Variants in GRIK4 observed in about 807,000 individuals in gnomAD.
GRIK4 encodes glutamate receptor ionotropic, kainate 4.
Under a neutral mutation model 104.9 loss-of-function variants are expected in GRIK4, and 40 were observed. The observed-to-expected ratio is 0.38, with a 90% CI of 0.30 to 0.50. The LOEUF (loss-of-function observed/expected upper bound fraction) is 0.50. Among genes scored for constraint, GRIK4 ranks in the 20% least tolerant of loss-of-function variants. The probability of loss-of-function intolerance (pLI) is 0.93; values close to 1 mark genes in which losing one functional copy is unlikely to be tolerated. For missense variants in GRIK4, 1,047 were observed against 1,308.1 expected, an observed-to-expected ratio of 0.80 and a Z score of 3.08; for synonymous variants, 485 against 524.9, an observed-to-expected ratio of 0.92 and a Z score of 1.04.
chr11:120,788,301 A>G (rs907691368), intron 3 of GRIK4, among the ~76,000 whole-genome samples: 1 of 152,228 alleles, frequency 6.6e-6, no homozygotes, highest in Non-Finnish European at 1.5e-5. Flanking sequence ...GGAGGTAAAT[A>G]GTAGTGGTCC....
At chr11:120,543,839 G>A (rs543292944) in intron 1 of GRIK4, among the ~76,000 whole-genome samples, 12 of 152,320 alleles carry the variant, frequency 7.9e-5, no homozygotes, top group African/African-American at 2.4e-4. Flanking sequence ...TTGCAAAAAC[G>A]TGGATGAACC....
intron 9 of GRIK4, chr11:120,873,651 G>GC (rs1954674344): frequency 5.9e-6 from 1 of 169,796 alleles, no homozygotes; most frequent in Non-Finnish European, 1.3e-5. Flanking sequence ...CTTCAACTGA[G>GC]CCTTATAGAA....
chr11:120,684,439 G>A (rs1374884852), intron 3 of GRIK4, among the ~76,000 whole-genome samples: 1 of 152,202 alleles, frequency 6.6e-6, no homozygotes, highest in African/African-American at 2.4e-5. Flanking sequence ...TTGTAAGTCA[G>A]GGTTAAGAAG....
At chr11:120,848,080 C>A (rs537768928) in intron 8 of GRIK4, among the ~76,000 whole-genome samples, 1 of 152,140 alleles carries the variant, frequency 6.6e-6, no homozygotes. Flanking sequence ...TGTTCCTGAC[C>A]CTGGAAGCCT....
intron 3 of GRIK4, among the ~76,000 whole-genome samples, chr11:120,693,188 C>T (rs1004505545): frequency 6.6e-6 from 1 of 150,990 alleles, no homozygotes; most frequent in Non-Finnish European, 1.5e-5. Flanking sequence ...TACTGCAACC[C>T]CTGCCTTCCA....
At position 120,930,405 on chromosome 11, in the gene GRIK4, T is replaced by G. The variant is rs182953334; in HGVS notation, c.1477-9942T>G. 1.5e-4 allele frequency among the ~76,000 whole-genome samples: 23 copies of G among 152,306 alleles called. No individual in the cohort carries two copies. In the East Asian group the frequency reaches 4.4e-3, roughly 29 times the overall value. ...TGAGTTATCTGTGTCAGGCCTAAGC[T>G]TTGTGTGGGTTGCTCATTTAATTCC... On this transcript the variant is annotated intron_variant, in intron 13 of 20. Coordinates refer to ENST00000527524, the MANE Select transcript of GRIK4 (RefSeq NM_014619.5).
At position 120,822,211 on chromosome 11, in the gene GRIK4, CAAAAAAAAAA is replaced by C. The variant is rs34732807; in HGVS notation, c.511+2306_511+2315del. Among the ~76,000 whole-genome samples, 577 of 71,682 alleles carry C rather than the reference CAAAAAAAAAA, an allele frequency of 8.0e-3. 2 individuals are homozygous for C. Among genetic ancestry groups the C allele is most frequent in the African/African-American group, 0.023 (474 of 20,528 alleles). 47.0% of individuals were successfully genotyped at this position (71,682 alleles called of 152,430 possible). On this transcript the variant is annotated intron_variant, in intron 6 of 20. Coordinates refer to ENST00000527524, the MANE Select transcript of GRIK4 (RefSeq NM_014619.5). ...GGGTGACAGGAGGGAAACCCTATCT[CAAAAAAAAAA>C]AAAAAAAAAAAAAAGACAGTAAAAT...
intron 1 of GRIK4, among the ~76,000 whole-genome samples, chr11:120,571,297 A>T (rs911086097): frequency 3.9e-5 from 6 of 152,308 alleles, no homozygotes; most frequent in Admixed American, 3.3e-4. Flanking sequence ...GCAGCAGCTG[A>T]GGACATGGTG....
In GRIK4 at chr11:120,786,905, G is replaced by A. The variant is rs193008693; in HGVS notation, c.83-15788G>A. 6.6e-5 allele frequency among the ~76,000 whole-genome samples: 10 copies of A among 152,342 alleles called. No homozygotes were observed. In the East Asian group the frequency reaches 1.3e-3, roughly 21 times the overall value. On this transcript the variant is annotated intron_variant, in intron 3 of 20. Transcript: ENST00000527524. ...GCCATTAGTATTGAGCCCCTGGAAC[G>A]TGGCTCATCTGGGTGGAGATGTGCT...
At chr11:120,920,402 C>A (rs73578635) in intron 13 of GRIK4, among the ~76,000 whole-genome samples, 4 of 152,140 alleles carry the variant, frequency 2.6e-5, no homozygotes, top group Non-Finnish European at 5.9e-5. Context: ...TGCCCATCTA[C>A]GTGCATGTCT....
intron 1 of GRIK4, among the ~76,000 whole-genome samples, chr11:120,579,051 A>G (rs1314949016): frequency 6.6e-6 from 1 of 151,910 alleles, no homozygotes; most frequent in African/African-American, 2.4e-5. Flanking sequence ...TTGGAGGCAT[A>G]CTCCTACCTG....
chr11:120,884,211 T>C (rs541917644), intron 11 of GRIK4, among the ~76,000 whole-genome samples: 1 of 152,386 alleles, frequency 6.6e-6, no homozygotes, highest in African/African-American at 2.4e-5. Context: ...ATATCTGCTT[T>C]ATGTGCATCA....
chr11:120,519,176 T>G (rs1466622948), intron 1 of GRIK4, among the ~76,000 whole-genome samples: 1 of 152,194 alleles, frequency 6.6e-6, no homozygotes, highest in Non-Finnish European at 1.5e-5. Flanking sequence ...ACAATAATAA[T>G]AGCTAATAAG....
chr11:120,975,286 CTCTT>C lies in GRIK4; in HGVS notation c.2396-6815_2396-6812del, dbSNP rs151251766. On this transcript the variant is annotated intron_variant, in intron 19 of 20. Transcript: ENST00000527524. Reference sequence around the variant, plus strand: ...GGGGGCCCCAGGGATGCTTCCCTCTCTCTTTCTTCTCATGGGATCCAGCGTGGTT... The same window carrying C: ...GGGGGCCCCAGGGATGCTTCCCTCTCTCTTCTCATGGGATCCAGCGTGGTT... 4.7e-3 allele frequency among the ~76,000 whole-genome samples: 710 copies of C among 152,264 alleles called. 3 individuals are homozygous for C. Among genetic ancestry groups the C allele is most frequent in the African/African-American group, 0.016 (676 of 41,540 alleles).
At chr11:120,737,712 A>T (rs975102634) in intron 3 of GRIK4, among the ~76,000 whole-genome samples, 2 of 152,108 alleles carry the variant, frequency 1.3e-5, no homozygotes, top group African/African-American at 4.8e-5. Flanking sequence ...AAAAAACCAC[A>T]AGGAAGTGAT....
intron 13 of GRIK4, among the ~76,000 whole-genome samples, chr11:120,927,465 G>T (rs1421059837): frequency 6.6e-6 from 1 of 151,466 alleles, no homozygotes; most frequent in African/African-American, 2.4e-5. Context: ...TACTCAGGAG[G>T]CTGAGGCAGG....
At chr11:120,970,684 C>G (rs764389937) in intron 19 of GRIK4, among the ~76,000 whole-genome samples, 2 of 152,080 alleles carry the variant, frequency 1.3e-5, no homozygotes, top group Admixed American at 6.6e-5. Flanking sequence ...TTGCAGTCTC[C>G]ACTCACGGAC....
rs1463651311 is a variant in GRIK4, at chr11:120,711,006, G to GGGC, written c.82+50607_82+50608insGCG. Among the ~76,000 whole-genome samples, 3 of 147,108 alleles carry GGGC rather than the reference G, an allele frequency of 2.0e-5. 1 individual carries two copies. Among genetic ancestry groups the GGGC allele is most frequent in the Non-Finnish European group, 4.4e-5 (3 of 67,738 alleles). On this transcript the variant is annotated intron_variant, in intron 3 of 20. Coordinates refer to ENST00000527524, the MANE Select transcript of GRIK4 (RefSeq NM_014619.5). ...GCTTGCCCCTGTGAGGTGGGGAGGG[G>GGGC]GTGTGAGCAGCTGCAGGGCCCTGCT...
In GRIK4 at chr11:120,986,146, C is replaced by A; in HGVS notation, c.2757C>A (p.Ile919=). ...AALVARGCTH[I]RVCPECRRFQ... The stretch of plus-strand genomic sequence containing the variant: ...TGGTGGCCCGCGGCTGCACGCACAT[C>A]CGCGTCTGCCCCGAGTGCCGCCGCT... The change falls in exon 21 of 21, where the codon ATC becomes ATA. Residue 919 remains isoleucine (I), a synonymous_variant. Coordinates refer to ENST00000527524, the MANE Select transcript of GRIK4 (RefSeq NM_014619.5). The A allele has an allele frequency of 6.5e-7, 1 of 1,534,140 alleles. No individual in the cohort carries two copies. Among genetic ancestry groups the A allele is most frequent in the Non-Finnish European group, 8.7e-7 (1 of 1,149,450 alleles).
Sources: allele counts gnomAD v4.1 joint callset (sites outside exome capture counted in the v4.1 genomes callset), GRCh38; gene constraint gnomAD v4.1.1; transcripts MANE v1.5; gene names NCBI Gene and HGNC (gene_info 2026-07-23, HGNC 2026-07-21).